EDIL3: variants seen among roughly 807,000 people sequenced by gnomAD.
The protein encoded by EDIL3 is EGF like and discoidin domains 3.
EDIL3 carries 37 observed loss-of-function variants against 67.4 expected under a neutral mutation model. The ratio of observed to expected loss-of-function variants is 0.55; its 90% CI spans 0.42 to 0.72. EDIL3 has a LOEUF of 0.72. EDIL3 is among the 30% of genes least tolerant of loss of function. The probability of loss-of-function intolerance (pLI) is 0.00; values close to 1 mark genes in which losing one functional copy is unlikely to be tolerated. For missense variants in EDIL3, 527 were observed against 586.3 expected (o/e 0.90, Z 1.04); for synonymous variants, 195 against 196.3 (o/e 0.99, Z 0.05).
intron 4 of EDIL3, among the ~76,000 whole-genome samples, chr5:84,164,490 G>A (rs188105916): frequency 9.2e-5 from 14 of 152,120 alleles, no homozygotes; most frequent in African/African-American, 2.2e-4. Flanking sequence ...AGAAATATCC[G>A]TATGTAAAAT....
intron 1 of EDIL3, among the ~76,000 whole-genome samples, chr5:84,280,101 T>C (rs1462382662): frequency 6.6e-6 from 1 of 152,186 alleles, no homozygotes; most frequent in African/African-American, 2.4e-5. Context: ...AGAGGCAAAA[T>C]GTAATGTTTC....
intron 5 of EDIL3, among the ~76,000 whole-genome samples, chr5:84,109,650 G>T (rs1747524396): frequency 6.6e-6 from 1 of 152,114 alleles, no homozygotes; most frequent in Non-Finnish European, 1.5e-5. Flanking sequence ...AAATTTACAA[G>T]TATCACCAGT....
chr5:84,184,789 T>C (rs1054856284), intron 3 of EDIL3, among the ~76,000 whole-genome samples: 6 of 152,188 alleles, frequency 3.9e-5, no homozygotes, highest in African/African-American at 1.4e-4. Context: ...GGGCAGCCTC[T>C]GGGATTTCTA....
chr5:84,168,697 G>A lies in EDIL3; in HGVS notation c.355+11696C>T, dbSNP rs149781172. On this transcript the variant is annotated intron_variant, in intron 4 of 10. Coordinates refer to ENST00000296591, the MANE Select transcript of EDIL3 (RefSeq NM_005711.5). The stretch of plus-strand genomic sequence containing the variant: ...TGACTTCAAACTATTTTTCATATAC[G>A]AACATTGTTCAACTCCTCCCAAGTG... Among the ~76,000 whole-genome samples the A allele has an allele frequency of 4.1e-3, 630 of 152,092 alleles. 1 individual carries two copies. Among genetic ancestry groups the A allele is most frequent in the African/African-American group, 0.014 (582 of 41,480 alleles).
At chr5:84,218,109 C>A (rs547068276) in intron 3 of EDIL3, among the ~76,000 whole-genome samples, 1 of 152,126 alleles carries the variant, frequency 6.6e-6, no homozygotes, top group African/African-American at 2.4e-5. Flanking sequence ...GAATTTCTAA[C>A]GCTGTAGCAA....
At position 84,091,984 on chromosome 5, in the gene EDIL3, T is replaced by C. The variant is rs1173199814; in HGVS notation, c.651+14665A>G. On this transcript the variant is annotated intron_variant, in intron 6 of 10. Coordinates refer to ENST00000296591, the MANE Select transcript of EDIL3 (RefSeq NM_005711.5). ...GCATTTACCAACATAGGAGAAGAGTTACAATAAGAAACTCTCAAAAATGAT... is the reference window on the plus strand; with the variant it reads ...GCATTTACCAACATAGGAGAAGAGTCACAATAAGAAACTCTCAAAAATGAT... Among the ~76,000 whole-genome samples the C allele has an allele frequency of 4.6e-5, 7 of 152,232 alleles. No homozygotes were observed. The East Asian group carries it at 1.4e-3, about 29-fold the overall frequency.
chr5:84,376,615 T>C (rs944950925), intron 1 of EDIL3, among the ~76,000 whole-genome samples: 4 of 152,240 alleles, frequency 2.6e-5, no homozygotes, highest in African/African-American at 9.6e-5. Flanking sequence ...AATAGTTATG[T>C]AAGAAAGTGA....
intron 1 of EDIL3, among the ~76,000 whole-genome samples, chr5:84,259,214 C>A (rs967783903): frequency 6.6e-6 from 1 of 152,036 alleles, no homozygotes; most frequent in African/African-American, 2.4e-5. Context: ...CTGCCTTGCC[C>A]TCCCAAAGTA....
intron 1 of EDIL3, among the ~76,000 whole-genome samples, chr5:84,341,946 A>G (rs1245855065): frequency 6.6e-6 from 1 of 152,086 alleles, no homozygotes; most frequent in Admixed American, 6.6e-5. Flanking sequence ...TTATCACATG[A>G]GATCAGGCAC....
chr5:84,223,443 T>C (rs531278118), intron 3 of EDIL3, among the ~76,000 whole-genome samples: 1 of 151,650 alleles, frequency 6.6e-6, no homozygotes. Context: ...TATTAAGCCT[T>C]ATAAAAGAAG....
At chr5:84,311,324 CTT>C (rs58965080) in intron 1 of EDIL3, among the ~76,000 whole-genome samples, 47 of 105,514 alleles carry the variant, frequency 4.5e-4, no homozygotes, top group African/African-American at 7.3e-4. Context: ...TTTTTTTTTT[CTT>C]TTTTTTTTTT....
chr5:84,208,664 C>A (rs1436331815), intron 3 of EDIL3, among the ~76,000 whole-genome samples: 2 of 108,594 alleles, frequency 1.8e-5, no homozygotes, highest in East Asian at 3.1e-4. Context: ...CCGGCCTGGG[C>A]AACAGAGCGA....
At chr5:84,278,405 A>G (rs1020002524) in intron 1 of EDIL3, among the ~76,000 whole-genome samples, 2 of 152,130 alleles carry the variant, frequency 1.3e-5, no homozygotes, top group African/African-American at 4.8e-5. Flanking sequence ...CTCAAAAATT[A>G]TTTGGGCTTC....
At chr5:83,966,447 T>C (rs560782627) in intron 9 of EDIL3, among the ~76,000 whole-genome samples, 6 of 152,080 alleles carry the variant, frequency 3.9e-5, no homozygotes, top group Non-Finnish European at 7.4e-5. Flanking sequence ...TATGAGGATT[T>C]TTCCTTGACA....
At chr5:84,314,364 G>T (rs2112147358) in intron 1 of EDIL3, among the ~76,000 whole-genome samples, 1 of 152,260 alleles carries the variant, frequency 6.6e-6, no homozygotes, top group East Asian at 1.9e-4. Context: ...ACTCTGCTAG[G>T]TCTTTACAGT....
At chr5:83,983,805 AGTG>A (rs1048996546) in intron 9 of EDIL3, among the ~76,000 whole-genome samples, 1 of 150,802 alleles carries the variant, frequency 6.6e-6, no homozygotes, top group Non-Finnish European at 1.5e-5. Context: ...AGAGCATGGA[AGTG>A]ACAGCCAATG....
chr5:84,093,265 G>T (rs985427281), intron 6 of EDIL3, among the ~76,000 whole-genome samples: 1 of 151,730 alleles, frequency 6.6e-6, no homozygotes, highest in African/African-American at 2.4e-5. Flanking sequence ...TTATTTAAAG[G>T]TGCCATGGGA....
At chr5:84,252,518 A>AAAAAAAAAAAAAAAAAAAAAG (rs1745045066) in intron 2 of EDIL3, among the ~76,000 whole-genome samples, 1 of 148,670 alleles carries the variant, frequency 6.7e-6, no homozygotes, top group African/African-American at 2.5e-5. Flanking sequence ...AAAAAAAAAA[A>AAAAAAAAAAAAAAAAAAAAAG]TTCTGCTAAG....
intron 1 of EDIL3, among the ~76,000 whole-genome samples, chr5:84,367,110 T>C (rs1452455342): frequency 6.6e-6 from 1 of 152,198 alleles, no homozygotes; most frequent in Non-Finnish European, 1.5e-5. Flanking sequence ...ATAATACATG[T>C]TTCTTTTTCT....
Sources: allele counts gnomAD v4.1 joint callset (sites outside exome capture counted in the v4.1 genomes callset), GRCh38; gene constraint gnomAD v4.1.1; transcripts MANE v1.5; gene names NCBI Gene and HGNC (gene_info 2026-07-23, HGNC 2026-07-21).